AGBL1: variants seen among roughly 807,000 people sequenced by gnomAD.
AGBL1 encodes the protein cytosolic carboxypeptidase 4.
AGBL1 carries 130 observed loss-of-function variants against 118.9 expected under a neutral mutation model. The observed-to-expected ratio is 1.09, with a 90% CI of 0.95 to 1.26. The LOEUF (loss-of-function observed/expected upper bound fraction) is 1.26, where lower values mean the gene tolerates loss of function less well. AGBL1 is among the 50% of genes most tolerant of loss of function. The pLI, the probability that AGBL1 is intolerant of heterozygous loss-of-function variation, is 0.00. For synonymous variants in AGBL1, 555 were observed against 478.9 expected (o/e 1.16, Z -2.08); for missense variants, 1,584 against 1,298.1 (o/e 1.22, Z -3.38).
intron 23 of AGBL1, among the ~76,000 whole-genome samples, chr15:86,943,772 A>T (rs1306622701): frequency 6.6e-6 from 1 of 152,102 alleles, no homozygotes; most frequent in Admixed American, 6.5e-5. Flanking sequence ...TAGCTTGCTT[A>T]TCTATGCTTG....
intron 22 of AGBL1, among the ~76,000 whole-genome samples, chr15:86,702,302 A>T (rs1430219267): frequency 2.0e-5 from 3 of 152,144 alleles, no homozygotes; most frequent in African/African-American, 7.2e-5. Context: ...CCATAGACTA[A>T]TAAAAATATT....
At chr15:86,812,065 T>C (rs572951039) in intron 22 of AGBL1, among the ~76,000 whole-genome samples, 1 of 152,340 alleles carries the variant, frequency 6.6e-6, no homozygotes, top group South Asian at 2.1e-4. Context: ...GGTTGTAATG[T>C]GTAAGAGTAA....
chr15:87,021,442 A>G, intron 24 of AGBL1, among the ~76,000 whole-genome samples: 1 of 152,326 alleles, frequency 6.6e-6, no homozygotes, highest in Non-Finnish European at 1.5e-5. Flanking sequence ...ATGGGCAAAG[A>G]TTTCATGACA....
chr15:86,539,910 C>T (rs1283040601), intron 19 of AGBL1, among the ~76,000 whole-genome samples: 1 of 152,142 alleles, frequency 6.6e-6, no homozygotes, highest in African/African-American at 2.4e-5. Context: ...ACAATGACCT[C>T]TTGGCTTGTG....
intron 5 of AGBL1, among the ~76,000 whole-genome samples, chr15:86,178,541 A>G (rs2077512494): frequency 6.6e-6 from 1 of 152,214 alleles, no homozygotes; most frequent in African/African-American, 2.4e-5. Flanking sequence ...CCAAGAAGAA[A>G]AAGATAACCT....
chr15:86,724,668 G>A (rs1319994836), intron 22 of AGBL1, among the ~76,000 whole-genome samples: 1 of 152,144 alleles, frequency 6.6e-6, no homozygotes, highest in African/African-American at 2.4e-5. Flanking sequence ...ATGTTGAAAT[G>A]TAATTTTCAA....
intron 18 of AGBL1, among the ~76,000 whole-genome samples, chr15:86,490,444 G>A (rs2082764606): frequency 6.6e-6 from 1 of 152,088 alleles, no homozygotes; most frequent in South Asian, 2.1e-4. Flanking sequence ...TGAAGATTTT[G>A]TCATTCACAC....
chr15:86,795,943 T>C (rs2078564555), intron 22 of AGBL1, among the ~76,000 whole-genome samples: 1 of 151,738 alleles, frequency 6.6e-6, no homozygotes, highest in South Asian at 2.1e-4. Flanking sequence ...CCAGATTGCC[T>C]TCCTGGAGAC....
At chr15:86,370,140 AC>A (rs1764361126) in intron 17 of AGBL1, among the ~76,000 whole-genome samples, 1 of 152,190 alleles carries the variant, frequency 6.6e-6, no homozygotes, top group Admixed American at 6.5e-5. Context: ...GACAATGAAA[AC>A]ATTACATATA....
chr15:86,201,450 T>C (rs1278243888), intron 5 of AGBL1, among the ~76,000 whole-genome samples: 1 of 152,188 alleles, frequency 6.6e-6, no homozygotes. Flanking sequence ...TCTGAGACAT[T>C]TGAAGGCAGA....
At chr15:86,295,948 A>G (rs2079628913) in intron 17 of AGBL1, 1 of 155,426 alleles carries the variant, frequency 6.4e-6, no homozygotes, top group South Asian at 2.0e-4. Flanking sequence ...AAATATACGC[A>G]TATGGACATA....
At chr15:86,260,402 T>C (rs1344529045) in intron 9 of AGBL1, among the ~76,000 whole-genome samples, 1 of 152,202 alleles carries the variant, frequency 6.6e-6, no homozygotes, top group Non-Finnish European at 1.5e-5. Context: ...CATGATTTGA[T>C]TGAAAACTGC....
intron 22 of AGBL1, among the ~76,000 whole-genome samples, chr15:86,782,018 A>G (rs1455692818): frequency 6.6e-6 from 1 of 152,060 alleles, no homozygotes; most frequent in Non-Finnish European, 1.5e-5. Flanking sequence ...CAGAGTTATT[A>G]TAGATCTTGG....
chr15:86,923,669 C>T (rs1463873234), intron 23 of AGBL1, among the ~76,000 whole-genome samples: 1 of 152,166 alleles, frequency 6.6e-6, no homozygotes, highest in Non-Finnish European at 1.5e-5. Context: ...GTACACTATT[C>T]CCTGAAAGCA....
intron 6 of AGBL1, among the ~76,000 whole-genome samples, chr15:86,236,545 A>G (rs184718279): frequency 1.3e-5 from 2 of 152,246 alleles, no homozygotes; most frequent in South Asian, 2.1e-4. Context: ...ACACGGCTCA[A>G]GGTTCTGTGA....
At chr15:86,901,162 C>G (rs1480126303) in intron 22 of AGBL1, among the ~76,000 whole-genome samples, 1 of 152,018 alleles carries the variant, frequency 6.6e-6, no homozygotes, top group East Asian at 1.9e-4. Context: ...CAAGACTTTT[C>G]TGGTTTTTTA....
At chr15:86,164,984 C>A (rs925510943) in intron 5 of AGBL1, among the ~76,000 whole-genome samples, 1 of 152,186 alleles carries the variant, frequency 6.6e-6, no homozygotes, top group Non-Finnish European at 1.5e-5. Context: ...TCCCCACCTT[C>A]TTAATGCCCT....
chr15:86,994,654 T>C (rs771341564), intron 24 of AGBL1, among the ~76,000 whole-genome samples: 48 of 152,134 alleles, frequency 3.2e-4, no homozygotes, highest in Admixed American at 1.6e-3. Flanking sequence ...AAGAATTCAG[T>C]GAGGTTCAGA....
chr15:86,887,541 G>C (rs147180709), intron 22 of AGBL1, among the ~76,000 whole-genome samples: 1 of 152,144 alleles, frequency 6.6e-6, no homozygotes, highest in Non-Finnish European at 1.5e-5. Context: ...GCATGTACAG[G>C]CATTATGAGT....
Sources: gnomAD v4.1 joint callset for allele counts (sites outside exome capture counted in the v4.1 genomes callset) on GRCh38, gnomAD v4.1.1 for gene constraint, MANE v1.5 for transcripts, NCBI Gene and HGNC (gene_info 2026-07-23, HGNC 2026-07-21) for gene names.